DDR2: variants seen among roughly 807,000 people sequenced by gnomAD.
DDR2 encodes the protein discoidin domain receptor tyrosine kinase 2.
A neutral mutation model predicts 94.9 loss-of-function variants in DDR2; 27 were observed. The observed-to-expected ratio is 0.28, with a 90% CI of 0.21 to 0.39. The LOEUF (loss-of-function observed/expected upper bound fraction) is 0.39. Ranked by LOEUF, DDR2 falls within the 10% of genes least tolerant of loss-of-function variation. The probability of loss-of-function intolerance (pLI) is 1.00; values close to 1 mark genes in which losing one functional copy is unlikely to be tolerated. For missense variants in DDR2, 783 were observed against 1,076.0 expected, an observed-to-expected ratio of 0.73 and a Z score of 3.81; for synonymous variants, 382 against 377.2, an observed-to-expected ratio of 1.01 and a Z score of -0.15.
At chr1:162,643,673 G>T (rs1279310889) in intron 1 of DDR2, among the ~76,000 whole-genome samples, 1 of 152,136 alleles carries the variant, frequency 6.6e-6, no homozygotes, top group Non-Finnish European at 1.5e-5. Context: ...TAGAGACGAA[G>T]CTTTGCCCTG....
chr1:162,730,057 G>GAA (rs1661952865), intron 3 of DDR2, among the ~76,000 whole-genome samples: 6 of 66,646 alleles, frequency 9.0e-5, no homozygotes, highest in Admixed American at 1.6e-4. Flanking sequence ...TTTTTTTTTT[G>GAA]CAAAAAAAAA....
intron 2 of DDR2, among the ~76,000 whole-genome samples, chr1:162,667,324 C>G (rs1245526742): frequency 3.3e-5 from 5 of 152,156 alleles, no homozygotes; most frequent in African/African-American, 1.2e-4. Context: ...TTCTGTGTTA[C>G]AGATGAAGAA....
intron 3 of DDR2, among the ~76,000 whole-genome samples, chr1:162,746,476 C>T (rs1271174936): frequency 4.6e-5 from 7 of 152,222 alleles, no homozygotes; most frequent in Admixed American, 2.6e-4. Context: ...CCGGGAAGGT[C>T]GAACTGGGTG....
At chr1:162,730,619 C>T (rs12022805) in intron 3 of DDR2, among the ~76,000 whole-genome samples, 5,679 of 152,250 alleles carry the variant, frequency 0.037, 132 homozygotes, top group South Asian at 0.071. Flanking sequence ...GACAAATCCA[C>T]CTCGAAAGCA....
In DDR2 at chr1:162,767,314, T is replaced by C. The variant is rs1037626368; in HGVS notation, c.1248T>C (p.Ile416=). The C allele has an allele frequency of 1.2e-6, 2 of 1,614,002 alleles. No homozygotes were observed. Among genetic ancestry groups the C allele is most frequent in the Non-Finnish European group, 1.7e-6 (2 of 1,180,026 alleles). The change falls in exon 11 of 18, where the codon ATT becomes ATC. Residue 416 remains isoleucine, a synonymous_variant. Coordinates refer to ENST00000367921, the MANE Select transcript of DDR2 (RefSeq NM_006182.4). The part of the protein sequence containing the change: ...VAIIFILLAI[I]VIILWRQFWQ... Reference sequence around the variant, plus strand: ...TCATCTTTATCCTCCTGGCCATCATTGTCATCATCCTCTGGAGGCAGTTCT... The same window carrying C: ...TCATCTTTATCCTCCTGGCCATCATCGTCATCATCCTCTGGAGGCAGTTCT...
At chr1:162,658,802 G>A (rs1658148641) in intron 2 of DDR2, among the ~76,000 whole-genome samples, 1 of 58,282 alleles carries the variant, frequency 1.7e-5, no homozygotes, top group African/African-American at 4.7e-5. Context: ...ACTCCAGCCT[G>A]GGTGACAGAA....
chr1:162,675,580 A>G (rs1313750727), intron 2 of DDR2, among the ~76,000 whole-genome samples: 1 of 152,210 alleles, frequency 6.6e-6, no homozygotes, highest in Non-Finnish European at 1.5e-5. Context: ...AGACTTGCAC[A>G]TTGTAGGCAC....
chr1:162,749,321 G>A (rs1663056891), intron 3 of DDR2, among the ~76,000 whole-genome samples: 1 of 152,160 alleles, frequency 6.6e-6, no homozygotes, highest in Admixed American at 6.5e-5. Context: ...TGATAAAGGA[G>A]TTATCACCAC....
intron 2 of DDR2, among the ~76,000 whole-genome samples, chr1:162,663,077 G>A (rs529254330): frequency 1.8e-4 from 27 of 152,290 alleles, no homozygotes; most frequent in African/African-American, 6.0e-4. Flanking sequence ...AAGTGAATAT[G>A]TAATAATTGG....
intron 1 of DDR2, among the ~76,000 whole-genome samples, chr1:162,650,270 A>G (rs768511920): frequency 1.8e-4 from 24 of 132,858 alleles, no homozygotes; most frequent in African/African-American, 6.4e-4. Context: ...CCCCTTACAA[A>G]CCAATTCCTC....
At chr1:162,773,891 AC>A (rs1647370712) in intron 14 of DDR2, among the ~76,000 whole-genome samples, 1 of 152,268 alleles carries the variant, frequency 6.6e-6, no homozygotes, top group African/African-American at 2.4e-5. Flanking sequence ...CTAAATGTGT[AC>A]TTCTTTGGTC....
chr1:162,758,870 A>G (rs1382387035), intron 7 of DDR2, among the ~76,000 whole-genome samples: 1 of 152,174 alleles, frequency 6.6e-6, no homozygotes, highest in African/African-American at 2.4e-5. Flanking sequence ...AGAGCTTGAG[A>G]TGCAGAGCTT....
chr1:162,692,999 A>C (rs1164755637), intron 2 of DDR2, among the ~76,000 whole-genome samples: 2 of 152,254 alleles, frequency 1.3e-5, no homozygotes, highest in African/African-American at 4.8e-5. Context: ...AAAAAGCATG[A>C]CATACTGCTC....
Position 162,760,855 on chromosome 1 carries a change from A to G in DDR2, c.856-356A>G, listed in dbSNP as rs752511771. On this transcript the variant is annotated intron_variant, in intron 8 of 17. Coordinates refer to ENST00000367921, the MANE Select transcript of DDR2 (RefSeq NM_006182.4). ...CCTTGCCTTGAACTCTCTCGAGTCT[A>G]TAATCCTCTCAGCCGCAGTTGCCGT... Among the ~76,000 whole-genome samples, 8 of 151,972 alleles carry G rather than the reference A, an allele frequency of 5.3e-5. No individual in the cohort carries two copies. In the South Asian group the frequency reaches 1.0e-3, roughly 20 times the overall value.
intron 3 of DDR2, among the ~76,000 whole-genome samples, chr1:162,724,695 G>T (rs1329570362): frequency 1.3e-5 from 2 of 152,182 alleles, no homozygotes; most frequent in African/African-American, 4.8e-5. Flanking sequence ...TTAACGAGAA[G>T]GTGATGCTAG....
chr1:162,741,663 C>G (rs1223775606), intron 3 of DDR2: 1 of 985,392 alleles, frequency 1.0e-6, no homozygotes, highest in Non-Finnish European at 1.2e-6. Context: ...TAGATCTTCT[C>G]CCCAGGAGGT....
intron 3 of DDR2, among the ~76,000 whole-genome samples, chr1:162,747,102 C>T (rs1662911211): frequency 1.3e-5 from 2 of 152,156 alleles, no homozygotes; most frequent in Non-Finnish European, 2.9e-5. Flanking sequence ...AATCAGAGCA[C>T]CTCTTCTCCT....
At chr1:162,745,499 G>A (rs769631049) in intron 3 of DDR2, among the ~76,000 whole-genome samples, 3 of 151,780 alleles carry the variant, frequency 2.0e-5, no homozygotes, top group Non-Finnish European at 4.4e-5. Context: ...GTTGATTTTT[G>A]GGTACAATGT....
rs997689091 is a variant in DDR2, at chr1:162,682,942, A to G, written c.-28+27568A>G. 5.9e-5 allele frequency among the ~76,000 whole-genome samples: 9 copies of G among 152,312 alleles called. No homozygotes were observed. In the East Asian group the frequency reaches 1.5e-3, roughly 26 times the overall value. Reference sequence around the variant, plus strand: ...AGAAAGCTATATTATATAAACATTAATTGAATGAAAGCAGGAGTAGCTATA... The same window carrying G: ...AGAAAGCTATATTATATAAACATTAGTTGAATGAAAGCAGGAGTAGCTATA... On this transcript the variant is annotated intron_variant, in intron 2 of 17. Transcript: ENST00000367921.
Sources: gnomAD v4.1 joint callset for allele counts (sites outside exome capture counted in the v4.1 genomes callset) on GRCh38, gnomAD v4.1.1 for gene constraint, MANE v1.5 for transcripts, NCBI Gene and HGNC (gene_info 2026-07-23, HGNC 2026-07-21) for gene names.